Variants in LRP1B observed in about 807,000 individuals in gnomAD.
The protein encoded by LRP1B is LDL receptor related protein 1B.
Under a neutral mutation model 556.6 loss-of-function variants are expected in LRP1B, and 217 were observed. That is an observed-to-expected ratio of 0.39 (90% CI 0.35 to 0.44). The LOEUF (loss-of-function observed/expected upper bound fraction) is 0.44. Among genes scored for constraint, LRP1B ranks in the 20% least tolerant of loss-of-function variants. LRP1B has a pLI of 1.00. For missense variants in LRP1B, 5,053 were observed against 5,620.8 expected (o/e 0.90, Z 3.23); for synonymous variants, 2,047 against 1,865.8 (o/e 1.10, Z -2.50).
chr2:141,808,958 T>C (rs1696251455), intron 2 of LRP1B, among the ~76,000 whole-genome samples: 1 of 152,142 alleles, frequency 6.6e-6, no homozygotes, highest in African/African-American at 2.4e-5. Flanking sequence ...AATATTCCTC[T>C]ATATGGGTTT....
chr2:141,366,221 C>A (rs1689029651), intron 3 of LRP1B, among the ~76,000 whole-genome samples: 1 of 152,114 alleles, frequency 6.6e-6, no homozygotes. Context: ...AATAATTTTT[C>A]AACATTACAA....
intron 35 of LRP1B, among the ~76,000 whole-genome samples, chr2:140,731,072 T>G (rs1021944071): frequency 2.0e-5 from 3 of 152,200 alleles, no homozygotes; most frequent in Non-Finnish European, 4.4e-5. Flanking sequence ...CCATTTCCTC[T>G]GCATTTCCTT....
intron 3 of LRP1B, among the ~76,000 whole-genome samples, chr2:141,273,523 C>T (rs1480937033): frequency 6.6e-6 from 1 of 152,058 alleles, no homozygotes; most frequent in African/African-American, 2.4e-5. Context: ...AACTGGAAAT[C>T]CACATGCAAA....
intron 1 of LRP1B, among the ~76,000 whole-genome samples, chr2:142,108,067 A>G (rs1706820494): frequency 6.6e-6 from 1 of 151,052 alleles, no homozygotes; most frequent in Non-Finnish European, 1.5e-5. Context: ...TAGTTTGGGT[A>G]CTTAGGGCTA....
chr2:140,243,899 C>A (rs1681052717), intron 87 of LRP1B, among the ~76,000 whole-genome samples: 1 of 151,416 alleles, frequency 6.6e-6, no homozygotes, highest in African/African-American at 2.4e-5. Context: ...CCTGGCCTCA[C>A]TTTTCCTGTG....
chr2:141,927,207 A>G (rs1422814670), intron 1 of LRP1B, among the ~76,000 whole-genome samples: 3 of 152,102 alleles, frequency 2.0e-5, no homozygotes, highest in African/African-American at 7.2e-5. Flanking sequence ...CCCCTAATAG[A>G]TTACCATCAT....
At chr2:140,521,693 C>T (rs994024786) in intron 49 of LRP1B, among the ~76,000 whole-genome samples, 1 of 151,928 alleles carries the variant, frequency 6.6e-6, no homozygotes, top group Non-Finnish European at 1.5e-5. Flanking sequence ...TCAATATTAA[C>T]CTTCAATGTA....
At chr2:141,945,017 C>A (rs1700913611) in intron 1 of LRP1B, among the ~76,000 whole-genome samples, 1 of 152,086 alleles carries the variant, frequency 6.6e-6, no homozygotes, top group Non-Finnish European at 1.5e-5. Context: ...TTCTTGATAT[C>A]CAGTAACTGC....
chr2:141,971,237 C>T (rs1701723512), intron 1 of LRP1B, among the ~76,000 whole-genome samples: 2 of 151,352 alleles, frequency 1.3e-5, no homozygotes, highest in African/African-American at 4.8e-5. Context: ...ACACGTGTAT[C>T]TTAGAAAGAA....
intron 66 of LRP1B, among the ~76,000 whole-genome samples, chr2:140,419,108 CAA>C (rs1252151721): frequency 1.3e-5 from 2 of 152,166 alleles, no homozygotes; most frequent in African/African-American, 2.4e-5. Flanking sequence ...GACAAAAACA[CAA>C]AGAGTATAGG....
intron 21 of LRP1B, 95 bp from the exon 22 acceptor site, chr2:140,908,172 C>T: frequency 4.2e-6 from 4 of 951,034 alleles, no homozygotes; most frequent in East Asian, 2.5e-5. Flanking sequence ...GGCAGAATTA[C>T]TTGTCTTTAG....
At chr2:141,052,871 C>T (rs1699075948) in intron 10 of LRP1B, among the ~76,000 whole-genome samples, 2 of 152,054 alleles carry the variant, frequency 1.3e-5, no homozygotes, top group South Asian at 4.1e-4. Flanking sequence ...ATCCTGGGCT[C>T]AAGTGATCCA....
At chr2:141,192,871 T>G (rs543092294) in intron 6 of LRP1B, among the ~76,000 whole-genome samples, 2 of 152,194 alleles carry the variant, frequency 1.3e-5, no homozygotes, top group Admixed American at 6.6e-5. Context: ...TAAAACTTGT[T>G]ATTTGTTAGA....
rs115881531 is a variant in LRP1B at position 141,668,560 on chromosome 2, G to T, written c.205+141719C>A. 4.7e-3 allele frequency among the ~76,000 whole-genome samples: 721 copies of T among 152,222 alleles called. 7 individuals carry two copies. The highest frequency in any genetic ancestry group is 0.016 in the African/African-American group (682 of 41,522). Reference sequence around the variant, plus strand: ...GAGTGTGACTGTGGACAGTCCAATGGCTGTGGGATGGCCAAACTCCAGAGG... The same window carrying T: ...GAGTGTGACTGTGGACAGTCCAATGTCTGTGGGATGGCCAAACTCCAGAGG... On this transcript the variant is annotated intron_variant, in intron 2 of 90. Coordinates refer to ENST00000389484, the MANE Select transcript of LRP1B (RefSeq NM_018557.3).
At chr2:142,126,474 T>C (rs1021446997) in intron 1 of LRP1B, among the ~76,000 whole-genome samples, 2 of 151,816 alleles carry the variant, frequency 1.3e-5, no homozygotes, top group Admixed American at 6.6e-5. Context: ...AATTGTATAG[T>C]TGGGTTCCAC....
At chr2:141,285,188 C>T (rs1434302616) in intron 3 of LRP1B, among the ~76,000 whole-genome samples, 1 of 151,252 alleles carries the variant, frequency 6.6e-6, no homozygotes, top group East Asian at 2.0e-4. Context: ...CCCTCCGCCT[C>T]CCAGGTTCAA....
intron 3 of LRP1B, among the ~76,000 whole-genome samples, chr2:141,441,030 A>T (rs868026385): frequency 7.3e-5 from 11 of 151,698 alleles, no homozygotes; most frequent in Middle Eastern, 3.4e-3. Flanking sequence ...TCAAAATGTC[A>T]ATAGTGTGAG....
intron 77 of LRP1B, among the ~76,000 whole-genome samples, chr2:140,343,796 C>T (rs945949450): frequency 4.0e-5 from 6 of 151,598 alleles, no homozygotes; most frequent in Non-Finnish European, 7.4e-5. Context: ...ATGAATCTCA[C>T]AATCATTGTG....
intron 35 of LRP1B, among the ~76,000 whole-genome samples, chr2:140,736,077 T>C (rs774838774): frequency 6.6e-6 from 1 of 152,096 alleles, no homozygotes; most frequent in Admixed American, 6.5e-5. Flanking sequence ...GGAGAAACTA[T>C]GCCTTTCTTC....
Sources: allele counts gnomAD v4.1 joint callset (sites outside exome capture counted in the v4.1 genomes callset), GRCh38; gene constraint gnomAD v4.1.1; transcripts MANE v1.5; gene names NCBI Gene and HGNC (gene_info 2026-07-23, HGNC 2026-07-21).